SH3PXD2A: variants seen among roughly 807,000 people sequenced by gnomAD.
The protein encoded by SH3PXD2A is SH3 and PX domain-containing protein 2A.
Under a neutral mutation model 115.2 loss-of-function variants are expected in SH3PXD2A, and 32 were observed. That is an observed-to-expected ratio of 0.28 (90% CI 0.21 to 0.37). The LOEUF (loss-of-function observed/expected upper bound fraction) is 0.37. SH3PXD2A is among the 10% of genes least tolerant of loss of function. SH3PXD2A has a pLI of 1.00. For synonymous variants in SH3PXD2A, 610 were observed against 629.1 expected (o/e 0.97, Z 0.45); for missense variants, 1,328 against 1,498.7 (o/e 0.89, Z 1.88).
At chr10:103,677,938 G>T in intron 6 of SH3PXD2A, 1 of 423,434 alleles carries the variant, frequency 2.4e-6, no homozygotes, top group Non-Finnish European at 4.7e-6. Context: ...TTGGCCTCCG[G>T]AACCACATAC....
chr10:103,846,434 ACT>A (rs1842849362), intron 1 of SH3PXD2A, among the ~76,000 whole-genome samples: 1 of 152,096 alleles, frequency 6.6e-6, no homozygotes, highest in African/African-American at 2.4e-5. Context: ...TCCTGAGTCG[ACT>A]CTGTCTATGA....
intron 6 of SH3PXD2A, among the ~76,000 whole-genome samples, chr10:103,669,061 G>A (rs1020487372): frequency 3.9e-5 from 6 of 152,292 alleles, no homozygotes; most frequent in Non-Finnish European, 8.8e-5. Context: ...AAAGGCCAGC[G>A]GGCTCAGTGG....
chr10:103,625,412 G>A (rs889356679), intron 9 of SH3PXD2A, among the ~76,000 whole-genome samples: 27 of 152,252 alleles, frequency 1.8e-4, no homozygotes, highest in Non-Finnish European at 2.9e-5. Context: ...AGGGACAAAG[G>A]AGGTGGACTA....
chr10:103,667,559 C>T (rs569126858), intron 7 of SH3PXD2A, among the ~76,000 whole-genome samples: 11 of 152,348 alleles, frequency 7.2e-5, no homozygotes, highest in South Asian at 6.2e-4. Context: ...CAACGCCCTC[C>T]GACCCACTGC....
At chr10:103,695,132 T>C (rs2037809315) in intron 5 of SH3PXD2A, among the ~76,000 whole-genome samples, 1 of 152,176 alleles carries the variant, frequency 6.6e-6, no homozygotes, top group Non-Finnish European at 1.5e-5. Flanking sequence ...TACCCTCTGC[T>C]GTCCCACAAT....
At chr10:103,829,641 C>T (rs78264314) in intron 1 of SH3PXD2A, among the ~76,000 whole-genome samples, 10,490 of 152,184 alleles carry the variant, frequency 0.069, 441 homozygotes, top group Non-Finnish European at 0.077. Context: ...ACCGTGATGC[C>T]GCCTGTGCAG....
Position 103,620,669 on chromosome 10 carries a change from G to A in SH3PXD2A, c.802+1801C>T, listed in dbSNP as rs1259379781. Among the ~76,000 whole-genome samples, 2 of 152,164 alleles carry A rather than the reference G, an allele frequency of 1.3e-5. No homozygotes were observed. Among genetic ancestry groups the A allele is most frequent in the African/African-American group, 4.8e-5 (2 of 41,426 alleles). ...TTTCTTGGCTGCCTGGTTTAACTTAGCCCATCAGGCTGAGGCTGGGACATT... is the reference window on the plus strand; with the variant it reads ...TTTCTTGGCTGCCTGGTTTAACTTAACCCATCAGGCTGAGGCTGGGACATT... On this transcript the variant is annotated intron_variant, in intron 10 of 14. Coordinates refer to ENST00000369774, the MANE Select transcript of SH3PXD2A (RefSeq NM_001394015.1). The surrounding 1 kb of genome is among the most constrained non-coding windows in gnomAD (Gnocchi z 5.3).
At chr10:103,816,518 G>A (rs1258304175) in intron 1 of SH3PXD2A, among the ~76,000 whole-genome samples, 1 of 152,174 alleles carries the variant, frequency 6.6e-6, no homozygotes, top group Non-Finnish European at 1.5e-5. Context: ...TGATGGTGAG[G>A]ATGTAGAGAA....
chr10:103,747,274 C>T (rs1310092319), intron 3 of SH3PXD2A, among the ~76,000 whole-genome samples: 1 of 152,184 alleles, frequency 6.6e-6, no homozygotes, highest in Non-Finnish European at 1.5e-5. Context: ...CACAGTGGGG[C>T]CAGAGTGTGG....
chr10:103,722,627 G>T, intron 5 of SH3PXD2A, among the ~76,000 whole-genome samples: 2 of 142,826 alleles, frequency 1.4e-5, no homozygotes, highest in African/African-American at 2.6e-5. Flanking sequence ...TCAATCAGCT[G>T]AATTTAAGAT....
intron 11 of SH3PXD2A, among the ~76,000 whole-genome samples, chr10:103,614,103 T>TA (rs35090755): frequency 0.65 from 97,372 of 150,472 alleles, 31,908 homozygotes; most frequent in South Asian, 0.83. Context: ...TTTTTTTTTT[T>TA]AATTAGCTGG....
Position 103,600,056 on chromosome 10 carries a change from C to G in SH3PXD2A, c.*1760G>C, listed in dbSNP as rs2036193114. ...CACTGAGACACTGGGTCCCATGCTG[C>G]CCTGCCTGGGTGGGGAGCAGGGTGA... On this transcript the variant is annotated 3_prime_UTR_variant, in exon 15 of 15. Transcript: ENST00000369774. 1 of 152,566 alleles carries G rather than the reference C, an allele frequency of 6.6e-6. No homozygotes were observed. The highest frequency in any genetic ancestry group is 1.5e-5 in the Non-Finnish European group (1 of 68,048). The allele number at this position is 152,566 out of a possible 1,614,324, so 9.5% of individuals were successfully genotyped here. A position where few individuals can be genotyped will look rare whatever the true frequency, so the allele number is the denominator to read the frequency against.
At chr10:103,680,469 G>T (rs980981929) in intron 6 of SH3PXD2A, among the ~76,000 whole-genome samples, 6 of 151,452 alleles carry the variant, frequency 4.0e-5, no homozygotes, top group Non-Finnish European at 7.4e-5. Flanking sequence ...TAGAGAAGGG[G>T]TCTCACTAGG....
chr10:103,713,217 C>A (rs1191435989), intron 5 of SH3PXD2A, among the ~76,000 whole-genome samples: 2 of 152,218 alleles, frequency 1.3e-5, no homozygotes, highest in African/African-American at 4.8e-5. Flanking sequence ...GAAGGAGTCA[C>A]AAGGTCTCTG....
At chr10:103,716,154 C>T (rs1371759055) in intron 5 of SH3PXD2A, among the ~76,000 whole-genome samples, 1 of 152,158 alleles carries the variant, frequency 6.6e-6, no homozygotes, top group Non-Finnish European at 1.5e-5. Flanking sequence ...CCTCAGTGTC[C>T]TAAGCCAGCC....
At chr10:103,800,164 C>T (rs78477556) in intron 2 of SH3PXD2A, among the ~76,000 whole-genome samples, 1 of 152,080 alleles carries the variant, frequency 6.6e-6, no homozygotes, top group African/African-American at 2.4e-5. Context: ...TCTAGAACAT[C>T]TTGGCTCTAC....
chr10:103,652,498 T>C (rs1282156069), intron 8 of SH3PXD2A, among the ~76,000 whole-genome samples: 1 of 152,048 alleles, frequency 6.6e-6, no homozygotes, highest in Non-Finnish European at 1.5e-5. Flanking sequence ...ACCGGAACAA[T>C]TACAGAAAAC....
intron 8 of SH3PXD2A, among the ~76,000 whole-genome samples, chr10:103,640,086 G>A (rs985087896): frequency 3.3e-5 from 5 of 152,146 alleles, no homozygotes; most frequent in Non-Finnish European, 5.9e-5. Flanking sequence ...AGGCCGAGGC[G>A]GGCGGATCAC....
chr10:103,686,777 T>G lies in SH3PXD2A; in HGVS notation c.427+6251A>C, dbSNP rs1281817558. On this transcript the variant is annotated intron_variant, in intron 6 of 14. Coordinates refer to ENST00000369774, the MANE Select transcript of SH3PXD2A (RefSeq NM_001394015.1). ...TTTTTTTTTTTTTTGAGACAGAGCC[T>G]CGCTCTGTTGCCCAAGCTGGAGTGC... is the stretch of plus-strand genomic sequence containing the variant. Among the ~76,000 whole-genome samples the G allele has an allele frequency of 3.7e-5, 5 of 135,730 alleles. No individual in the cohort carries two copies. In the Admixed American group the frequency reaches 4.1e-4, roughly 11 times the overall value. 89.0% of individuals were successfully genotyped at this position (135,730 alleles called of 152,430 possible). A position where few individuals can be genotyped will look rare whatever the true frequency, so the allele number is the denominator to read the frequency against.
Sources: gnomAD v4.1 joint callset for allele counts (sites outside exome capture counted in the v4.1 genomes callset) on GRCh38, gnomAD v4.1.1 for gene constraint, Gnocchi (gnomAD v3.1) non-coding constraint, MANE v1.5 for transcripts, NCBI Gene and HGNC (gene_info 2026-07-23, HGNC 2026-07-21) for gene names.